CFAP299: variants seen among roughly 807,000 people sequenced by gnomAD.
CFAP299 encodes cilia- and flagella-associated protein 299.
Under a neutral mutation model 27.0 loss-of-function variants are expected in CFAP299, and 21 were observed. The ratio of observed to expected loss-of-function variants is 0.78; its 90% confidence interval spans 0.55 to 1.12. The LOEUF is 1.12. CFAP299 is among the 50% of genes most tolerant of loss of function. The probability of loss-of-function intolerance (pLI) is 0.00; values close to 1 mark genes in which losing one functional copy is unlikely to be tolerated. For synonymous variants in CFAP299, 104 were observed against 98.1 expected (o/e 1.06, Z -0.36); for missense variants, 310 against 276.6 (o/e 1.12, Z -0.86).
intron 4 of CFAP299, among the ~76,000 whole-genome samples, chr4:80,937,341 G>T (rs1578252525): frequency 1.4e-5 from 1 of 70,954 alleles, no homozygotes; most frequent in African/African-American, 9.7e-5. Flanking sequence ...TTTTGAGACA[G>T]GGTCTCACTC....
At chr4:80,505,564 A>T (rs1731982813) in intron 2 of CFAP299, among the ~76,000 whole-genome samples, 1 of 152,182 alleles carries the variant, frequency 6.6e-6, no homozygotes, top group Non-Finnish European at 1.5e-5. Context: ...AAATAGGTTC[A>T]ACCACCCTGT....
At chr4:80,381,221 A>G (rs1724681754) in intron 2 of CFAP299, among the ~76,000 whole-genome samples, 3 of 152,288 alleles carry the variant, frequency 2.0e-5, no homozygotes, top group African/African-American at 4.8e-5. Flanking sequence ...TCTATTTCCC[A>G]TGCCAAAATG....
intron 3 of CFAP299, among the ~76,000 whole-genome samples, chr4:80,737,660 C>A (rs538090580): frequency 6.6e-6 from 1 of 151,822 alleles, no homozygotes; most frequent in Non-Finnish European, 1.5e-5. Context: ...ATCTTAGTAT[C>A]CTCTGTCTTT....
At chr4:80,615,368 T>G (rs1443273876) in intron 3 of CFAP299, among the ~76,000 whole-genome samples, 1 of 152,172 alleles carries the variant, frequency 6.6e-6, no homozygotes, top group Non-Finnish European at 1.5e-5. Context: ...TGTATTTACT[T>G]TTTCTAATAT....
At chr4:80,657,562 C>A (rs1380727320) in intron 3 of CFAP299, among the ~76,000 whole-genome samples, 1 of 151,796 alleles carries the variant, frequency 6.6e-6, no homozygotes, top group Non-Finnish European at 1.5e-5. Context: ...ATTTCTGAGG[C>A]CTCTTTTCTG....
intron 4 of CFAP299, among the ~76,000 whole-genome samples, chr4:80,927,354 G>A (rs1022349139): frequency 3.3e-5 from 5 of 151,994 alleles, no homozygotes; most frequent in Admixed American, 3.3e-4. Context: ...AACATCCCAA[G>A]TATCCTAAAA....
chr4:80,782,650 A>G (rs1218784144), intron 3 of CFAP299, among the ~76,000 whole-genome samples: 6 of 124,810 alleles, frequency 4.8e-5, no homozygotes, highest in African/African-American at 8.8e-5. Flanking sequence ...ACATATATGA[A>G]TATATAATAT....
At chr4:80,491,700 G>C (rs1731145870) in intron 2 of CFAP299, among the ~76,000 whole-genome samples, 1 of 151,896 alleles carries the variant, frequency 6.6e-6, no homozygotes, top group African/African-American at 2.4e-5. Context: ...CATCAGATGG[G>C]TTTTATTTAA....
At chr4:80,785,734 A>T (rs550573854) in intron 3 of CFAP299, among the ~76,000 whole-genome samples, 1 of 152,314 alleles carries the variant, frequency 6.6e-6, no homozygotes, top group East Asian at 1.9e-4. Flanking sequence ...TCTATGAGAC[A>T]TAATTATAAA....
In CFAP299 at chr4:80,860,634, C is replaced by A. The variant is rs56105935; in HGVS notation, c.334-9359C>A. The stretch of plus-strand genomic sequence containing the variant: ...TTAGTTTTCCTTCTAACAGACAGAA[C>A]CTTCAGCTGCAGGTCTGTTGGAGTT... On this transcript the variant is annotated intron_variant, in intron 3 of 5. Transcript: ENST00000358105. Among the ~76,000 whole-genome samples, 1,217 of 152,310 alleles carry A rather than the reference C, an allele frequency of 8.0e-3. 10 individuals are homozygous for A. Among genetic ancestry groups the A allele is most frequent in the African/African-American group, 0.028 (1,151 of 41,542 alleles).
At chr4:80,487,499 C>G (rs1190367603) in intron 2 of CFAP299, among the ~76,000 whole-genome samples, 1 of 152,062 alleles carries the variant, frequency 6.6e-6, no homozygotes, top group Non-Finnish European at 1.5e-5. Context: ...GGATGGCTGC[C>G]CATTCACCAT....
chr4:80,399,453 A>T (rs1726012111), intron 2 of CFAP299, among the ~76,000 whole-genome samples: 1 of 152,136 alleles, frequency 6.6e-6, no homozygotes, highest in Non-Finnish European at 1.5e-5. Flanking sequence ...AATGTCCATC[A>T]ATGATAGACT....
chr4:80,423,476 G>T (rs565490070), intron 2 of CFAP299, among the ~76,000 whole-genome samples: 42 of 152,258 alleles, frequency 2.8e-4, no homozygotes, highest in Non-Finnish European at 5.1e-4. Flanking sequence ...TCCTCATTTT[G>T]TTCCTGAGGC....
intron 4 of CFAP299, among the ~76,000 whole-genome samples, chr4:80,889,390 C>T (rs918997743): frequency 6.6e-6 from 1 of 151,800 alleles, no homozygotes; most frequent in Admixed American, 6.6e-5. Flanking sequence ...GAAATGAATA[C>T]ATTTCTAGAC....
chr4:80,692,690 A>T (rs1720803399), intron 3 of CFAP299, among the ~76,000 whole-genome samples: 1 of 152,192 alleles, frequency 6.6e-6, no homozygotes, highest in Non-Finnish European at 1.5e-5. Context: ...GACAAAATTG[A>T]CAAATGGGAT....
At chr4:80,952,947 G>A (rs1442365302) in intron 5 of CFAP299, among the ~76,000 whole-genome samples, 1 of 152,034 alleles carries the variant, frequency 6.6e-6, no homozygotes, top group African/African-American at 2.4e-5. Flanking sequence ...TCAAAACGGA[G>A]ACCCATAACA....
intron 2 of CFAP299, among the ~76,000 whole-genome samples, chr4:80,508,711 A>T (rs1732150323): frequency 6.6e-6 from 1 of 152,032 alleles, no homozygotes. Context: ...GGAGTGCACC[A>T]CCACTCCTGG....
At chr4:80,682,956 C>T (rs1369592294) in intron 3 of CFAP299, among the ~76,000 whole-genome samples, 3 of 152,098 alleles carry the variant, frequency 2.0e-5, no homozygotes, top group African/African-American at 7.2e-5. Context: ...CATGAAGCTT[C>T]CAATTTGCTA....
chr4:80,633,525 A>G (rs1371483790), intron 3 of CFAP299, among the ~76,000 whole-genome samples: 2 of 152,156 alleles, frequency 1.3e-5, no homozygotes, highest in Non-Finnish European at 2.9e-5. Context: ...TAAAATCACC[A>G]TGGCAATTTT....
Sources: allele counts gnomAD v4.1 joint callset (sites outside exome capture counted in the v4.1 genomes callset), GRCh38; gene constraint gnomAD v4.1.1; transcripts MANE v1.5; gene names NCBI Gene and HGNC (gene_info 2026-07-23, HGNC 2026-07-21).